The following QPCTL variants were observed in gnomAD, a reference collection of about 807,000 sequenced individuals.
QPCTL encodes glutaminyl-peptide cyclotransferase-like protein.
A neutral mutation model predicts 34.6 loss-of-function variants in QPCTL; 31 were observed. The ratio of observed to expected loss-of-function variants is 0.90; its 90% CI spans 0.67 to 1.21. The LOEUF (loss-of-function observed/expected upper bound fraction) is 1.21, where lower values mean the gene tolerates loss of function less well. Ranked by LOEUF, QPCTL falls within the 50% of genes most tolerant of loss-of-function variation. The pLI, the probability that QPCTL is intolerant of heterozygous loss-of-function variation, is 0.00. For synonymous variants in QPCTL, 223 were observed against 226.9 expected, an observed-to-expected ratio of 0.98 and a Z score of 0.15; for missense variants, 474 against 507.8, an observed-to-expected ratio of 0.93 and a Z score of 0.64.
At position 45,692,761 on chromosome 19, in the gene QPCTL, G is replaced by A; in HGVS notation, c.58G>A (p.Glu20Lys). ...RLRLGERGLM[E>K]PLLPPKRRLL... Reference sequence around the variant, plus strand: ...GCGGCTGGGGGAACGTGGCCTCATGGAGCCACTCTTGCCGCCGAAGCGCCG... The same window carrying A: ...GCGGCTGGGGGAACGTGGCCTCATGAAGCCACTCTTGCCGCCGAAGCGCCG... The change falls in exon 1 of 7, where the codon GAG (glutamate) becomes AAG (lysine). Residue 20 changes from glutamate (E) to lysine (K), a missense_variant. By Grantham distance (56) the Glu-to-Lys change is moderately conservative (BLOSUM62 1). Coordinates refer to ENST00000012049, the MANE Select transcript of QPCTL (RefSeq NM_017659.4). 5.7e-6 allele frequency: 9 copies of A among 1,591,400 alleles called. No homozygotes were observed. The highest frequency in any genetic ancestry group is 7.7e-6 in the Non-Finnish European group (9 of 1,169,202).
intron 1 of QPCTL, 48 bp from the exon 2 acceptor site, chr19:45,693,365 G>C (rs758824227): frequency 5.2e-5 from 81 of 1,564,812 alleles, no homozygotes; most frequent in Middle Eastern, 2.1e-4. Context: ...GGTTGAAATG[G>C]GGGGGTTGCT....
At chr19:45,693,268 G>A in intron 1 of QPCTL, 145 bp from the exon 2 acceptor site, 3 of 1,177,948 alleles carry the variant, frequency 2.5e-6, no homozygotes, top group African/African-American at 3.1e-5. Context: ...CCTGAGCCTT[G>A]GATTTATCCT....
chr19:45,699,445 G>A (rs190527921), intron 5 of QPCTL, among the ~76,000 whole-genome samples: 23 of 151,614 alleles, frequency 1.5e-4, no homozygotes, highest in Admixed American at 1.3e-3. Flanking sequence ...CCAAGATTGC[G>A]CCACTGCACT....
Position 45,697,034 on chromosome 19 carries a change from C to T in QPCTL, c.633+1316C>T, listed in dbSNP as rs548515192. 5.7e-4 allele frequency among the ~76,000 whole-genome samples: 87 copies of T among 151,826 alleles called. 1 individual carries two copies. Among genetic ancestry groups the T allele is most frequent in the African/African-American group, 2.1e-3 (86 of 41,390 alleles). On this transcript the variant is annotated intron_variant, in intron 3 of 6. Coordinates refer to ENST00000012049, the MANE Select transcript of QPCTL (RefSeq NM_017659.4). The stretch of plus-strand genomic sequence containing the variant: ...ACTTGGGAGGTTGAGACAGGAGGAT[C>T]ACTTGAAACTGAGAGGCGGAGGTTG...
At chr19:45,699,029 A>ATATT in intron 5 of QPCTL, 129 bp downstream of exon 5, 4 of 508,434 alleles carry the variant, frequency 7.9e-6, no homozygotes, top group Non-Finnish European at 9.4e-6. Context: ...GGGAGACCCC[A>ATATT]TCTTTTTTTT....
At chr19:45,701,307 A>C (rs1363681617) in intron 5 of QPCTL, among the ~76,000 whole-genome samples, 1 of 147,158 alleles carries the variant, frequency 6.8e-6, no homozygotes, top group African/African-American at 2.5e-5. Context: ...ACAGAATCTT[A>C]CTCTGTCACC....
At chr19:45,701,567 C>T (rs545973086) in intron 5 of QPCTL, among the ~76,000 whole-genome samples, 2 of 152,232 alleles carry the variant, frequency 1.3e-5, no homozygotes, top group South Asian at 4.2e-4. Flanking sequence ...TGAGCCACCA[C>T]ACCAGGCCAC....
intron 3 of QPCTL, among the ~76,000 whole-genome samples, chr19:45,697,679 A>G (rs561785517): frequency 1.8e-4 from 28 of 151,796 alleles, no homozygotes; most frequent in African/African-American, 6.8e-4. Context: ...GCCAGTTCCT[A>G]CCCATTCTCA....
At chr19:45,702,183 G>A (rs1967823616) in intron 6 of QPCTL, among the ~76,000 whole-genome samples, 1 of 152,136 alleles carries the variant, frequency 6.6e-6, no homozygotes, top group South Asian at 2.1e-4. Context: ...TGGGCACGGT[G>A]GTTCACAGCT....
At chr19:45,698,440 C>A in intron 3 of QPCTL, 107 bp from the exon 4 acceptor site, 1 of 1,351,304 alleles carries the variant, frequency 7.4e-7, no homozygotes, top group Non-Finnish European at 1.0e-6. Flanking sequence ...TGAGTGAGGA[C>A]ACCTTATGTG....
At chr19:45,695,751 T>C (rs1967679388) in intron 3 of QPCTL, 33 bp downstream of exon 3, 1 of 1,539,624 alleles carries the variant, frequency 6.5e-7, no homozygotes, top group Non-Finnish European at 8.7e-7. Flanking sequence ...GGTAGTGGGC[T>C]ACCTCCACCT....
chr19:45,699,004 A>C, intron 5 of QPCTL, 104 bp downstream of exon 5: 1 of 904,986 alleles, frequency 1.1e-6, no homozygotes, highest in Non-Finnish European at 1.7e-6. Flanking sequence ...CTCATCCACC[A>C]GTCTGGGCCA....
intron 4 of QPCTL, 32 bp from the exon 5 acceptor site, chr19:45,698,769 C>T (rs373298782): frequency 3.7e-5 from 59 of 1,613,212 alleles, no homozygotes; most frequent in Middle Eastern, 3.3e-4. Flanking sequence ...TCATCCTGCA[C>T]GGGCCCCTCC....
intron 3 of QPCTL, among the ~76,000 whole-genome samples, chr19:45,696,640 G>A (rs1330260212): frequency 1.3e-5 from 2 of 151,712 alleles, no homozygotes; most frequent in African/African-American, 2.4e-5. Context: ...TTGGGAGGCT[G>A]AGAGGGGAGG....
In QPCTL at chr19:45,694,435, G is replaced by C. The variant is rs556816279; in HGVS notation, c.351+879G>C. Among the ~76,000 whole-genome samples, 12 of 151,656 alleles carry C rather than the reference G, an allele frequency of 7.9e-5. No individual in the cohort carries two copies. The South Asian group carries it at 2.1e-3, about 26-fold the overall frequency. On this transcript the variant is annotated intron_variant, in intron 2 of 6. Transcript: ENST00000012049. ...GTCCCAATGCTACCTCATCCACTTA[G>C]ATTGTGACCTTGGACTGGTTTCTTT...
intron 3 of QPCTL, 68 bp from the exon 4 acceptor site, chr19:45,698,479 G>T: frequency 1.3e-6 from 2 of 1,582,538 alleles, no homozygotes; most frequent in South Asian, 2.3e-5. Context: ...CGGGCAAGAA[G>T]TGTGGGTATG....
chr19:45,702,782 C>A, intron 6 of QPCTL, 122 bp from the exon 7 acceptor site: 3 of 1,151,788 alleles, frequency 2.6e-6, no homozygotes, highest in African/African-American at 1.6e-5. Context: ...AAAAAAAGTG[C>A]CAGAACATAG....
At chr19:45,695,185 C>T (rs1393472569) in intron 2 of QPCTL, among the ~76,000 whole-genome samples, 2 of 151,896 alleles carry the variant, frequency 1.3e-5, no homozygotes, top group African/African-American at 4.8e-5. Flanking sequence ...ACTCAGGAGG[C>T]TGAGTCAGGA....
rs368942904 is a variant in QPCTL, at chr19:45,702,968, C to T, written c.1068C>T (p.Thr356=). 4.3e-5 allele frequency: 70 copies of T among 1,613,928 alleles called. No individual in the cohort carries two copies. Among genetic ancestry groups the T allele is most frequent in the East Asian group, 1.1e-4 (5 of 44,892 alleles). ...FPAVWHTPAD[T]EVNLHPPTVH... ...CTGTCTGGCACACCCCTGCGGACAC[C>T]GAGGTCAATCTCCACCCACCCACGG... is the stretch of plus-strand genomic sequence containing the variant. Residue 356 remains threonine, a synonymous_variant, in exon 7 of 7, where the codon ACC becomes ACT. Transcript: ENST00000012049.
Sources: allele counts gnomAD v4.1 joint callset (sites outside exome capture counted in the v4.1 genomes callset), GRCh38; gene constraint gnomAD v4.1.1; transcripts MANE v1.5; gene names NCBI Gene and HGNC (gene_info 2026-07-23, HGNC 2026-07-21).